The following GABPA variants were observed in gnomAD, a reference collection of about 807,000 sequenced individuals.
The protein encoded by GABPA is GA-binding protein alpha chain.
In GABPA, 4 loss-of-function variants were observed where a neutral mutation model predicts 59.4. The observed-to-expected ratio is 0.07, with a 90% confidence interval of 0.03 to 0.15. The LOEUF (loss-of-function observed/expected upper bound fraction) is 0.15, where lower values mean the gene tolerates loss of function less well. GABPA is among the 10% of genes least tolerant of loss of function. The probability of loss-of-function intolerance (pLI) is 1.00; values close to 1 mark genes in which losing one functional copy is unlikely to be tolerated. For synonymous variants in GABPA, 164 were observed against 183.1 expected (o/e 0.90, Z 0.84); for missense variants, 251 against 543.8 (o/e 0.46, Z 5.36).
chr21:25,747,880 A>G (rs1188387641), intron 3 of GABPA, among the ~76,000 whole-genome samples: 1 of 152,152 alleles, frequency 6.6e-6, no homozygotes, highest in Non-Finnish European at 1.5e-5. Flanking sequence ...TGTCATATTT[A>G]ATCTATCTGT....
At chr21:25,758,911 A>T (rs1326016002) in intron 6 of GABPA, among the ~76,000 whole-genome samples, 1 of 152,152 alleles carries the variant, frequency 6.6e-6, no homozygotes, top group African/African-American at 2.4e-5. Flanking sequence ...CTCCACTAAA[A>T]ATACAAAAAA....
intron 4 of GABPA, 61 bp from the exon 5 acceptor site, chr21:25,751,928 A>AT (rs2035523406): frequency 1.3e-6 from 2 of 1,555,574 alleles, no homozygotes; most frequent in South Asian, 1.1e-5. Context: ...AAACTAAATT[A>AT]TTTTTTGGTG....
chr21:25,766,146 A>G (rs2035884351), intron 9 of GABPA, among the ~76,000 whole-genome samples: 1 of 151,962 alleles, frequency 6.6e-6, no homozygotes, highest in South Asian at 2.1e-4. Flanking sequence ...GATTTAAAGA[A>G]ATGGCAGTGG....
intron 6 of GABPA, among the ~76,000 whole-genome samples, chr21:25,760,255 G>A (rs534883407): frequency 9.9e-5 from 15 of 152,280 alleles, no homozygotes; most frequent in Non-Finnish European, 2.1e-4. Context: ...ATTTCTAACA[G>A]ACTTTCTAGA....
At chr21:25,755,432 TAAAA>T (rs968729001) in intron 5 of GABPA, among the ~76,000 whole-genome samples, 18 of 85,784 alleles carry the variant, frequency 2.1e-4, no homozygotes, top group South Asian at 7.2e-4. Flanking sequence ...CAAGACTGTC[TAAAA>T]AAAAAAAAAA....
rs1425400495 is a variant in GABPA, at chr21:25,749,229, A to G, written c.307+109A>G. The G allele has an allele frequency of 4.6e-6, 3 of 649,780 alleles. No individual in the cohort carries two copies. The African/African-American group carries it at 5.5e-5, about 12-fold the overall frequency. The allele number at this position is 649,780 out of a possible 1,614,324, so 40.3% of individuals were successfully genotyped here. On this transcript the variant is annotated intron_variant, in intron 4 of 9. Coordinates refer to ENST00000400075, the MANE Select transcript of GABPA (RefSeq NM_002040.4). ...GGTTGTCTACATTACTTGATATGAT[A>G]TAATAGCCAAAATTCATGCTTTGGG... is the stretch of plus-strand genomic sequence containing the variant.
chr21:25,752,906 G>C (rs746992013), intron 5 of GABPA, among the ~76,000 whole-genome samples: 3 of 152,188 alleles, frequency 2.0e-5, no homozygotes, highest in African/African-American at 4.8e-5. Context: ...CCAGACTCCA[G>C]ATGATTTCTT....
Position 25,745,092 on chromosome 21 carries a change from A to T in GABPA, c.78-118A>T, listed in dbSNP as rs1423010057. Reference sequence around the variant, plus strand: ...GAGCCTGCCACAGTATCTATGTAGAAATGACTTTTCAAAGACCAGAAATGT... The same window carrying T: ...GAGCCTGCCACAGTATCTATGTAGATATGACTTTTCAAAGACCAGAAATGT... On this transcript the variant is annotated intron_variant, in intron 2 of 9. Coordinates refer to ENST00000400075, the MANE Select transcript of GABPA (RefSeq NM_002040.4). The T allele has an allele frequency of 3.3e-5, 35 of 1,074,860 alleles. 1 individual carries two copies. Among genetic ancestry groups the T allele is most frequent in the Non-Finnish European group, 1.4e-6 (1 of 723,988 alleles). The allele number at this position is 1,074,860 out of a possible 1,614,324, so 66.6% of individuals were successfully genotyped here. A position where few individuals can be genotyped will look rare whatever the true frequency, so the allele number is the denominator to read the frequency against.
chr21:25,748,654 A>G (rs2035429563), intron 3 of GABPA, among the ~76,000 whole-genome samples: 1 of 152,236 alleles, frequency 6.6e-6, no homozygotes, highest in Non-Finnish European at 1.5e-5. Context: ...ATGTTAATAT[A>G]TTTAGATAAA....
At chr21:25,763,609 T>G (rs2146097231) in intron 7 of GABPA, among the ~76,000 whole-genome samples, 1 of 152,330 alleles carries the variant, frequency 6.6e-6, no homozygotes, top group South Asian at 2.1e-4. Flanking sequence ...TTCCACATGT[T>G]TAAACATTGT....
Position 25,764,356 on chromosome 21 carries a change from T to C in GABPA, c.943+6T>C, listed in dbSNP as rs752125737. On this transcript the variant is annotated splice_donor_region_variant and intron_variant, in intron 8 of 9. Coordinates refer to ENST00000400075, the MANE Select transcript of GABPA (RefSeq NM_002040.4). ...CTCACCTGGGAACAGAACAGGTATT[T>C]TTGTATTTTCTTGTATTTATAAAAT... 1 of 1,596,212 alleles carries C rather than the reference T, an allele frequency of 6.3e-7. No homozygotes were observed. The highest frequency in any genetic ancestry group is 1.1e-5 in the South Asian group (1 of 87,466).
chr21:25,741,745 C>A, intron 2 of GABPA, 70 bp downstream of exon 2: 1 of 971,224 alleles, frequency 1.0e-6, no homozygotes, highest in Non-Finnish European at 1.6e-6. Context: ...GGAAACAAGT[C>A]ATAGTTCTTT....
chr21:25,769,775 C>G lies in GABPA; in HGVS notation c.*543C>G, dbSNP rs565760914. The G allele has an allele frequency of 5.2e-5, 8 of 152,590 alleles. No individual in the cohort carries two copies. Among genetic ancestry groups the G allele is most frequent in the Admixed American group, 2.0e-4 (3 of 15,290 alleles). 9.5% of individuals were successfully genotyped at this position (152,590 alleles called of 1,614,324 possible). On this transcript the variant is annotated 3_prime_UTR_variant, in exon 10 of 10. Coordinates refer to ENST00000400075, the MANE Select transcript of GABPA (RefSeq NM_002040.4). ...TAATAAATTACTAAACTAAGAGTAT[C>G]AGGTTATTTATATATTTGCAAGCAA...
chr21:25,737,816 G>T (rs1426680759), intron 1 of GABPA, among the ~76,000 whole-genome samples: 5 of 152,076 alleles, frequency 3.3e-5, no homozygotes, highest in African/African-American at 1.2e-4. Flanking sequence ...GTGCTATTCT[G>T]CTATAAACCT....
chr21:25,751,044 A>G (rs1254614601), intron 4 of GABPA, among the ~76,000 whole-genome samples: 1 of 152,050 alleles, frequency 6.6e-6, no homozygotes, highest in Non-Finnish European at 1.5e-5. Context: ...TTTGATATAG[A>G]TTGTAATAGA....
At chr21:25,739,317 G>T (rs1301386078) in intron 1 of GABPA, among the ~76,000 whole-genome samples, 14 of 152,218 alleles carry the variant, frequency 9.2e-5, no homozygotes, top group Non-Finnish European at 4.4e-5. Flanking sequence ...TAATGCTAGT[G>T]TAACAAATTA....
At chr21:25,755,730 G>A (rs2035621244) in intron 5 of GABPA, among the ~76,000 whole-genome samples, 2 of 152,114 alleles carry the variant, frequency 1.3e-5, no homozygotes, top group Non-Finnish European at 2.9e-5. Flanking sequence ...CCACATGTGT[G>A]GGGTGCACTC....
rs2036023021 is a variant in GABPA at position 25,772,247 on chromosome 21, T to G, written c.*3015T>G. 6.6e-6 allele frequency: 1 copy of G among 152,112 alleles called. No individual in the cohort carries two copies. The allele number at this position is 152,112 out of a possible 1,614,324, so 9.4% of individuals were successfully genotyped here. Reference sequence around the variant, plus strand: ...AGGAAAAACAAAATTCTCAATCTTTTGTAAATGGGAGGAGGACTTTTGCAT... The same window carrying G: ...AGGAAAAACAAAATTCTCAATCTTTGGTAAATGGGAGGAGGACTTTTGCAT... On this transcript the variant is annotated 3_prime_UTR_variant, in exon 10 of 10. Coordinates refer to ENST00000400075, the MANE Select transcript of GABPA (RefSeq NM_002040.4).
At position 25,769,098 on chromosome 21, in the gene GABPA, G is replaced by T. The variant is rs747602543; in HGVS notation, c.1231G>T (p.Ala411Ser). ...CDLKTLIGYS[A>S]AELNRLVTEC... ...CTTGAAGACTCTTATTGGATACAGT[G>T]CAGCGGAGTTGAACCGTTTGGTCAC... Residue 411 changes from alanine (A) to serine (S), a missense_variant, in exon 10 of 10, where the codon GCA becomes TCA. By Grantham distance (99) the Ala-to-Ser change is moderately conservative. Transcript: ENST00000400075. 6.2e-7 allele frequency: 1 copy of T among 1,613,416 alleles called. No individual in the cohort carries two copies. The highest frequency in any genetic ancestry group is 2.2e-5 in the East Asian group (1 of 44,876).
Sources: allele counts gnomAD v4.1 joint callset (sites outside exome capture counted in the v4.1 genomes callset), GRCh38; gene constraint gnomAD v4.1.1; transcripts MANE v1.5; gene names NCBI Gene and HGNC (gene_info 2026-07-23, HGNC 2026-07-21).